Variants in PCDHGB3 observed in about 807,000 individuals in gnomAD.
The protein encoded by PCDHGB3 is protocadherin gamma-B3.
Under a neutral mutation model 59.2 loss-of-function variants are expected in PCDHGB3, and 40 were observed. That is an observed-to-expected ratio of 0.68 (90% CI 0.52 to 0.88). The LOEUF (loss-of-function observed/expected upper bound fraction) is 0.88, where lower values mean the gene tolerates loss of function less well. Among genes scored for constraint, PCDHGB3 ranks in the 40% least tolerant of loss-of-function variants. PCDHGB3 has a pLI of 0.00. For missense variants in PCDHGB3, 1,309 were observed against 1,187.9 expected (o/e 1.10, Z -1.50); for synonymous variants, 581 against 503.6 (o/e 1.15, Z -2.06).
In PCDHGB3 at chr5:141,485,576, C is replaced by T. The variant is rs1347032247; in HGVS notation, c.2416-9231C>T. ...GAATGATCACGCCCCCCGTTTTCCG[C>T]GGCAGCAGCTGGACTTGGAAATTGG... On this transcript the variant is annotated intron_variant, in intron 1 of 3. Transcript: ENST00000576222. The surrounding 1 kb of genome is among the most constrained non-coding windows in gnomAD (Gnocchi z 5.7). 21 of 1,612,296 alleles carry T rather than the reference C, an allele frequency of 1.3e-5. 1 individual carries two copies. Among genetic ancestry groups the T allele is most frequent in the Non-Finnish European group, 1.8e-5 (21 of 1,178,636 alleles).
intron 1 of PCDHGB3, chr5:141,388,966 G>A: frequency 1.2e-6 from 2 of 1,614,014 alleles, no homozygotes; most frequent in Non-Finnish European, 1.7e-6. Flanking sequence ...GCCGAGCTGG[G>A]AACACATATT....
chr5:141,504,206 A>C (rs1209911822), intron 2 of PCDHGB3, among the ~76,000 whole-genome samples: 1 of 152,218 alleles, frequency 6.6e-6, no homozygotes, highest in East Asian at 1.9e-4. Context: ...CTGTGGGAAA[A>C]TTCCAAGTAG....
intron 1 of PCDHGB3, chr5:141,376,676 G>GGTTTTTTTTT (rs1773026765): frequency 3.6e-6 from 1 of 275,812 alleles, no homozygotes; most frequent in Middle Eastern, 1.2e-3. Context: ...TGAGGGTATC[G>GGTTTTTTTTT]TTTTTTTTTT....
Position 141,385,102 on chromosome 5 carries a change from G to A in PCDHGB3, c.2415+12293G>A, listed in dbSNP as rs370391349. On this transcript the variant is annotated intron_variant, in intron 1 of 3. Transcript: ENST00000576222. ...GGCTTCAGAAGGTGGCTTGGCGAAC[G>A]TGCCCACCTCGCACTTTGTGGGCAT... 6 of 1,614,174 alleles carry A rather than the reference G, an allele frequency of 3.7e-6. No homozygotes were observed. The East Asian group carries it at 6.7e-5, about 18-fold the overall frequency.
intron 1 of PCDHGB3, chr5:141,423,131 A>G (rs370773437): frequency 1.9e-6 from 3 of 1,613,538 alleles, no homozygotes; most frequent in Admixed American, 1.7e-5. Context: ...GCACTGCTGG[A>G]CAGAGACGCG....
chr5:141,504,351 G>A (rs77439649), intron 2 of PCDHGB3, among the ~76,000 whole-genome samples: 2 of 152,010 alleles, frequency 1.3e-5, no homozygotes, highest in African/African-American at 4.8e-5. Context: ...CTTTGTGCTA[G>A]GTGCTTCAGT....
chr5:141,417,940 C>A, intron 1 of PCDHGB3: 2 of 1,613,054 alleles, frequency 1.2e-6, no homozygotes, highest in Non-Finnish European at 1.7e-6. Flanking sequence ...TGTTCTACCC[C>A]ACGCTGTGTG....
At position 141,412,100 on chromosome 5, in the gene PCDHGB3, C is replaced by T. The variant is rs1041242156; in HGVS notation, c.2415+39291C>T. On this transcript the variant is annotated intron_variant, in intron 1 of 3. Coordinates refer to ENST00000576222, the MANE Select transcript of PCDHGB3 (RefSeq NM_018924.5). ...TTGCTACTGGGTTGATGGGCACACA[C>T]AGTTGAAGATATGTGAACCACTGGA... The T allele has an allele frequency of 2.0e-5, 3 of 152,180 alleles. No homozygotes were observed. In the South Asian group the frequency reaches 6.2e-4, roughly 31 times the overall value. 9.4% of individuals were successfully genotyped at this position (152,180 alleles called of 1,614,324 possible).
rs1373678836 is a variant in PCDHGB3, at chr5:141,477,459, C to T, written c.2416-17348C>T. 6.2e-7 allele frequency: 1 copy of T among 1,614,186 alleles called. No homozygotes were observed. The highest frequency in any genetic ancestry group is 8.5e-7 in the Non-Finnish European group (1 of 1,180,034). On this transcript the variant is annotated intron_variant, in intron 1 of 3. Coordinates refer to ENST00000576222, the MANE Select transcript of PCDHGB3 (RefSeq NM_018924.5). This position sits in a 1 kb window ranked among gnomAD's most constrained non-coding sequence, Gnocchi z 4.9. ...CTTACAATAGTGCGTGTTCAAGTGTCCGACATCAATGACAACCCTCCACAA... is the reference window on the plus strand; with the variant it reads ...CTTACAATAGTGCGTGTTCAAGTGTTCGACATCAATGACAACCCTCCACAA...
chr5:141,405,822 T>C (rs1055689569), intron 1 of PCDHGB3, among the ~76,000 whole-genome samples: 2 of 151,888 alleles, frequency 1.3e-5, no homozygotes, highest in African/African-American at 4.8e-5. Flanking sequence ...CTGTCTGTAC[T>C]TAAGGTAGTA....
At chr5:141,388,457 C>A in intron 1 of PCDHGB3, 1 of 1,613,814 alleles carries the variant, frequency 6.2e-7, no homozygotes, top group Non-Finnish European at 8.5e-7. Flanking sequence ...GCAGTAAATA[C>A]CCTGAGATGG....
chr5:141,449,475 C>T (rs1351574160), intron 1 of PCDHGB3, among the ~76,000 whole-genome samples: 8 of 150,696 alleles, frequency 5.3e-5, no homozygotes, highest in African/African-American at 1.9e-4. Flanking sequence ...GGCCTGGTAC[C>T]CCATGCCTAA....
chr5:141,477,482 C>T lies in PCDHGB3; in HGVS notation c.2416-17325C>T, dbSNP rs1168724444. The T allele has an allele frequency of 6.2e-7, 1 of 1,614,118 alleles. No individual in the cohort carries two copies. Among genetic ancestry groups the T allele is most frequent in the Non-Finnish European group, 8.5e-7 (1 of 1,180,016 alleles). ...GTCCGACATCAATGACAACCCTCCA[C>T]AATCTTCTCAATCTTCCTACGACGT... is the stretch of plus-strand genomic sequence containing the variant. On this transcript the variant is annotated intron_variant, in intron 1 of 3. Coordinates refer to ENST00000576222, the MANE Select transcript of PCDHGB3 (RefSeq NM_018924.5). This position sits in a 1 kb window ranked among gnomAD's most constrained non-coding sequence, Gnocchi z 4.9.
intron 3 of PCDHGB3, 94 bp downstream of exon 3, chr5:141,505,575 C>T: frequency 6.3e-7 from 1 of 1,592,302 alleles, no homozygotes. Context: ...GATGTCAAAC[C>T]TGTGTAGTTT....
rs773429109 is a variant in PCDHGB3 at position 141,371,742 on chromosome 5, C to A, written c.1348C>A (p.Pro450Thr). 6.2e-7 allele frequency: 1 copy of A among 1,614,068 alleles called. No individual in the cohort carries two copies. The highest frequency in any genetic ancestry group is 2.2e-5 in the East Asian group (1 of 44,888). The change falls in exon 1 of 4, where the codon CCC becomes ACC. Residue 450 changes from proline (P) to threonine (T), a missense_variant. Pro to Thr is a conservative substitution (Grantham distance 38). Coordinates refer to ENST00000576222, the MANE Select transcript of PCDHGB3 (RefSeq NM_018924.5). ...LHILDVNDNV[P>T]VFHQASYTVH... is the part of the protein sequence containing the mutation. ...CATCCTTGATGTCAACGACAACGTT[C>A]CCGTTTTCCACCAGGCCTCCTACAC...
Position 141,437,685 on chromosome 5 carries a change from G to A in PCDHGB3, c.2416-57122G>A, listed in dbSNP as rs116699614. ...GAAGAGATGTTGATCAAACTGATGA[G>A]GCTAAATCTCAAGAAAGAGACACAG... On this transcript the variant is annotated intron_variant, in intron 1 of 3. Coordinates refer to ENST00000576222, the MANE Select transcript of PCDHGB3 (RefSeq NM_018924.5). Among the ~76,000 whole-genome samples the A allele has an allele frequency of 1.0e-2, 1,519 of 151,976 alleles. 34 individuals carry two copies. The highest frequency in any genetic ancestry group is 0.034 in the African/African-American group (1,425 of 41,440).
intron 1 of PCDHGB3, among the ~76,000 whole-genome samples, chr5:141,480,672 T>A (rs1053078255): frequency 2.0e-5 from 3 of 152,166 alleles, no homozygotes; most frequent in African/African-American, 7.2e-5. Context: ...CCTAGAGACC[T>A]TTTAAAAATT....
At chr5:141,415,094 A>G in intron 1 of PCDHGB3, 1 of 1,613,530 alleles carries the variant, frequency 6.2e-7, no homozygotes, top group Non-Finnish European at 8.5e-7. Flanking sequence ...CTGGACAGAG[A>G]CGCGCTCAAG....
At chr5:141,408,675 C>T (rs574868088) in intron 1 of PCDHGB3, 14 of 1,613,950 alleles carry the variant, frequency 8.7e-6, no homozygotes, top group Admixed American at 8.3e-5. Flanking sequence ...GACCCTGCCA[C>T]GGATCCTGAT....
Sources: allele counts gnomAD v4.1 joint callset (sites outside exome capture counted in the v4.1 genomes callset), GRCh38; gene constraint gnomAD v4.1.1; non-coding constraint Gnocchi (gnomAD v3.1); transcripts MANE v1.5; gene names NCBI Gene and HGNC (gene_info 2026-07-23, HGNC 2026-07-21).